Variants in PNLIPRP3 observed in about 807,000 individuals in gnomAD.
PNLIPRP3 encodes pancreatic lipase related protein 3.
Under a neutral mutation model 52.8 loss-of-function variants are expected in PNLIPRP3, and 58 were observed. The ratio of observed to expected loss-of-function variants is 1.10; its 90% CI spans 0.89 to 1.37. PNLIPRP3 has a LOEUF of 1.37. Among genes scored for constraint, PNLIPRP3 ranks in the 40% most tolerant of loss-of-function variants. The pLI is 0.00. For missense variants in PNLIPRP3, 593 were observed against 561.6 expected (o/e 1.06, Z -0.57); for synonymous variants, 192 against 185.0 (o/e 1.04, Z -0.31).
At chr10:116,431,450 A>AG (rs1285855980) in intron 1 of PNLIPRP3, among the ~76,000 whole-genome samples, 2 of 150,030 alleles carry the variant, frequency 1.3e-5, no homozygotes, top group East Asian at 4.0e-4. Context: ...TACAAATGTT[A>AG]GGGTTTTTTT....
chr10:116,471,793 A>G lies in PNLIPRP3; in HGVS notation c.1086A>G (p.Lys362=), dbSNP rs10510020. The change falls in exon 10 of 12, where the codon AAA becomes AAG. Residue 362 remains lysine, a synonymous_variant. Transcript: ENST00000369230. ...FARWRHKLSV[K]LSGSEVTQGT... ...GTTGGAGGCACAAATTGTCTGTTAAACTCAGTGGAAGCGAAGTCACTCAAG... is the reference window on the plus strand; with the variant it reads ...GTTGGAGGCACAAATTGTCTGTTAAGCTCAGTGGAAGCGAAGTCACTCAAG... 137,214 of 1,609,612 alleles carry G rather than the reference A, an allele frequency of 0.085. 8,987 individuals are homozygous for G. The highest frequency in any genetic ancestry group is 0.3 in the African/African-American group (22,493 of 74,578).
intron 5 of PNLIPRP3, among the ~76,000 whole-genome samples, chr10:116,458,642 G>A (rs184452645): frequency 1.1e-3 from 169 of 152,258 alleles, no homozygotes; most frequent in African/African-American, 3.0e-3. Context: ...TCTTTGTTAA[G>A]CGCGAATGGT....
intron 10 of PNLIPRP3, 78 bp downstream of exon 10, chr10:116,471,957 G>C: frequency 1.2e-6 from 1 of 811,882 alleles, no homozygotes; most frequent in South Asian, 1.9e-5. Flanking sequence ...TCAGTAAGCT[G>C]TTTAGTCTTC....
At position 116,453,251 on chromosome 10, in the gene PNLIPRP3, C is replaced by T. The variant is rs151092294; in HGVS notation, c.457-2471C>T. The stretch of plus-strand genomic sequence containing the variant: ...CCAATTTCTCTTTTTTGGAATTGAA[C>T]TGTTTACCCAATTCCTGTACCTCCC... On this transcript the variant is annotated intron_variant, in intron 4 of 11. Transcript: ENST00000369230. Among the ~76,000 whole-genome samples, 1,056 of 152,226 alleles carry T rather than the reference C, an allele frequency of 6.9e-3. 8 individuals carry two copies. The highest frequency in any genetic ancestry group is 0.011 in the Non-Finnish European group (734 of 68,024).
At chr10:116,460,013 G>T (rs561610875) in intron 5 of PNLIPRP3, among the ~76,000 whole-genome samples, 3 of 152,092 alleles carry the variant, frequency 2.0e-5, no homozygotes, top group Non-Finnish European at 4.4e-5. Flanking sequence ...TGATCCACCC[G>T]CCTCGGCCTC....
At position 116,456,775 on chromosome 10, in the gene PNLIPRP3, T is replaced by TC. The variant is rs1846122005; in HGVS notation, c.565+951dup. ...GGCGGGGCTGGCCTCTCCCTCTGCA[T>TC]CCCCCCACCAACAGCCAGTAAGCAA... On this transcript the variant is annotated intron_variant, in intron 5 of 11. Coordinates refer to ENST00000369230, the MANE Select transcript of PNLIPRP3 (RefSeq NM_001011709.3). 2.6e-5 allele frequency among the ~76,000 whole-genome samples: 4 copies of TC among 152,184 alleles called. No individual in the cohort carries two copies. The South Asian group carries it at 8.3e-4, about 32-fold the overall frequency.
chr10:116,443,211 C>A (rs755492435), intron 3 of PNLIPRP3, 37 bp downstream of exon 3: 3 of 1,579,600 alleles, frequency 1.9e-6, no homozygotes, highest in Admixed American at 1.7e-5. Context: ...CACTAGCATG[C>A]GAGCTTTATG....
rs940800095 is a variant in PNLIPRP3, at chr10:116,476,793, A to G, written c.1314A>G (p.Ile438Met). 3 of 1,605,100 alleles carry G rather than the reference A, an allele frequency of 1.9e-6. No individual in the cohort carries two copies. The highest frequency in any genetic ancestry group is 3.5e-5 in the Admixed American group (2 of 57,770). The change falls in exon 11 of 12, where the codon ATA (isoleucine) becomes ATG (methionine). Residue 438 changes from isoleucine (I) to methionine (M), a missense_variant. Transcript: ENST00000369230. ...ATAAGTTGGGAGCAGAAATGGTGATAAATACATCTGGGAAATATGGATATA... is the reference window on the plus strand; with the variant it reads ...ATAAGTTGGGAGCAGAAATGGTGATGAATACATCTGGGAAATATGGATATA... ...SQNKLGAEMV[I>M]NTSGKYGYKS...
At position 116,447,993 on chromosome 10, in the gene PNLIPRP3, G is replaced by GGA. The variant is rs1589980515; in HGVS notation, c.456+3495_456+3496dup. Among the ~76,000 whole-genome samples the GGA allele has an allele frequency of 7.4e-5, 9 of 121,544 alleles. No individual in the cohort carries two copies. In the East Asian group the frequency reaches 9.3e-4, roughly 13 times the overall value. The allele number at this position is 121,544 out of a possible 152,430, so 79.7% of individuals were successfully genotyped here. ...AAAAAATGAAAGAGGAAGGAAGGAAGGAGAGAGAGAGAGAGAAAAGGAAGG... is the reference window on the plus strand; with the variant it reads ...AAAAAATGAAAGAGGAAGGAAGGAAGGAGAGAGAGAGAGAGAGAAAAGGAAGG... On this transcript the variant is annotated intron_variant, in intron 4 of 11. Coordinates refer to ENST00000369230, the MANE Select transcript of PNLIPRP3 (RefSeq NM_001011709.3).
At chr10:116,456,829 C>G (rs1247517174) in intron 5 of PNLIPRP3, among the ~76,000 whole-genome samples, 1 of 152,200 alleles carries the variant, frequency 6.6e-6, no homozygotes, top group East Asian at 1.9e-4. Context: ...CTGCCTTTTC[C>G]CTGTCCATCC....
chr10:116,472,479 T>C (rs571542095), intron 10 of PNLIPRP3, among the ~76,000 whole-genome samples: 3 of 152,360 alleles, frequency 2.0e-5, no homozygotes, highest in Admixed American at 1.3e-4. Flanking sequence ...AGAATTAACA[T>C]TATACCTACT....
intron 4 of PNLIPRP3, among the ~76,000 whole-genome samples, chr10:116,444,966 C>A (rs1382115406): frequency 6.6e-6 from 1 of 152,190 alleles, no homozygotes; most frequent in Non-Finnish European, 1.5e-5. Context: ...CACACATATT[C>A]TCTAAAGGAA....
At chr10:116,431,922 C>T (rs190845263) in intron 1 of PNLIPRP3, among the ~76,000 whole-genome samples, 2 of 152,076 alleles carry the variant, frequency 1.3e-5, no homozygotes, top group African/African-American at 2.4e-5. Context: ...CCTCTCCCCC[C>T]CAGGTCTTGA....
intron 1 of PNLIPRP3, among the ~76,000 whole-genome samples, chr10:116,432,143 C>A (rs909537870): frequency 6.6e-6 from 1 of 152,152 alleles, no homozygotes; most frequent in Non-Finnish European, 1.5e-5. Context: ...ATTGTTTTCT[C>A]CAATGCTGAA....
At chr10:116,462,539 A>G (rs1286372678) in intron 7 of PNLIPRP3, among the ~76,000 whole-genome samples, 4 of 152,090 alleles carry the variant, frequency 2.6e-5, no homozygotes, top group Non-Finnish European at 4.4e-5. Context: ...GCTCTGAAAG[A>G]GAAAATGTGA....
chr10:116,439,408 A>G, intron 2 of PNLIPRP3: 2 of 558,848 alleles, frequency 3.6e-6, no homozygotes, highest in Non-Finnish European at 6.5e-6. Context: ...TGTCAATTAC[A>G]GAGCTCCCCT....
At chr10:116,461,432 C>A in intron 7 of PNLIPRP3, 142 bp downstream of exon 7, 2 of 1,010,964 alleles carry the variant, frequency 2.0e-6, no homozygotes, top group South Asian at 1.7e-5. Flanking sequence ...GAAGCTCTCC[C>A]ACCTGTTCTC....
chr10:116,473,869 A>G (rs575096461), intron 10 of PNLIPRP3, among the ~76,000 whole-genome samples: 1 of 148,652 alleles, frequency 6.7e-6, no homozygotes, highest in Non-Finnish European at 1.5e-5. Flanking sequence ...CAATTTATAG[A>G]TTCAATGCTA....
rs541477800 is a variant in PNLIPRP3 at position 116,444,153 on chromosome 10, C to G, written c.325-229C>G. Among the ~76,000 whole-genome samples, 12 of 151,948 alleles carry G rather than the reference C, an allele frequency of 7.9e-5. No homozygotes were observed. The East Asian group carries it at 2.3e-3, about 30-fold the overall frequency. ...AGAACTCACTATCACGAAAACGGCACGGGGGAAACCACCCCCATGAATCAA... is the reference window on the plus strand; with the variant it reads ...AGAACTCACTATCACGAAAACGGCAGGGGGGAAACCACCCCCATGAATCAA... On this transcript the variant is annotated intron_variant, in intron 3 of 11. Coordinates refer to ENST00000369230, the MANE Select transcript of PNLIPRP3 (RefSeq NM_001011709.3).
Sources: gnomAD v4.1 joint callset for allele counts (sites outside exome capture counted in the v4.1 genomes callset) on GRCh38, gnomAD v4.1.1 for gene constraint, MANE v1.5 for transcripts, NCBI Gene and HGNC (gene_info 2026-07-23, HGNC 2026-07-21) for gene names.